The following ARHGAP24 variants were observed in gnomAD, a reference collection of about 807,000 sequenced individuals.
ARHGAP24 encodes rho GTPase-activating protein 24.
A neutral mutation model predicts 76.4 loss-of-function variants in ARHGAP24; 50 were observed. The observed-to-expected ratio is 0.65, with a 90% CI of 0.52 to 0.83. ARHGAP24 has a LOEUF of 0.83. Ranked by LOEUF, ARHGAP24 falls within the 40% of genes least tolerant of loss-of-function variation. The pLI is 0.00. For missense variants in ARHGAP24, 930 were observed against 914.2 expected (o/e 1.02, Z -0.22); for synonymous variants, 345 against 323.3 (o/e 1.07, Z -0.72).
At chr4:85,553,075 C>T (rs556594949) in intron 1 of ARHGAP24, among the ~76,000 whole-genome samples, 1 of 152,040 alleles carries the variant, frequency 6.6e-6, no homozygotes, top group African/African-American at 2.4e-5. Context: ...AGCTGCAGAC[C>T]TTCGCAGTGA....
intron 3 of ARHGAP24, among the ~76,000 whole-genome samples, chr4:85,818,056 G>A (rs551403256): frequency 6.6e-6 from 1 of 152,300 alleles, no homozygotes; most frequent in Non-Finnish European, 1.5e-5. Flanking sequence ...TATGCAGATG[G>A]TTTAAATGAC....
chr4:85,929,837 A>G (rs1736223383), intron 4 of ARHGAP24, among the ~76,000 whole-genome samples: 1 of 152,200 alleles, frequency 6.6e-6, no homozygotes, highest in South Asian at 2.1e-4. Flanking sequence ...TAAAACTTGT[A>G]TGGGAGGGGA....
chr4:85,708,565 C>G (rs2110032492), intron 2 of ARHGAP24, among the ~76,000 whole-genome samples: 1 of 152,296 alleles, frequency 6.6e-6, no homozygotes, highest in South Asian at 2.1e-4. Flanking sequence ...CTCTTATCCA[C>G]TTTACTGTCT....
intron 5 of ARHGAP24, 176 bp downstream of exon 5, chr4:85,942,449 C>T: frequency 1.5e-6 from 1 of 672,866 alleles, no homozygotes; most frequent in Non-Finnish European, 2.5e-6. Context: ...AAATTGGGCA[C>T]CTTAGATATC....
In ARHGAP24 at chr4:85,798,910, A is replaced by G. The variant is rs536549950; in HGVS notation, c.268+76938A>G. On this transcript the variant is annotated intron_variant, in intron 3 of 9. Coordinates refer to ENST00000395184, the MANE Select transcript of ARHGAP24 (RefSeq NM_001025616.3). Reference sequence around the variant, plus strand: ...AATGGGTGCTTACACTATTCTAAAAATGAAAGATATTTTAATAATATTAGG... The same window carrying G: ...AATGGGTGCTTACACTATTCTAAAAGTGAAAGATATTTTAATAATATTAGG... 9.8e-5 allele frequency among the ~76,000 whole-genome samples: 15 copies of G among 152,332 alleles called. No individual in the cohort carries two copies. The East Asian group carries it at 2.7e-3, about 27-fold the overall frequency.
At chr4:85,899,162 G>T (rs1020642246) in intron 3 of ARHGAP24, among the ~76,000 whole-genome samples, 11 of 152,026 alleles carry the variant, frequency 7.2e-5, no homozygotes, top group African/African-American at 2.4e-4. Context: ...ATGTCTTCAA[G>T]GTAAAAACTA....
chr4:85,609,186 T>C (rs1488602899), intron 2 of ARHGAP24, among the ~76,000 whole-genome samples: 1 of 152,204 alleles, frequency 6.6e-6, no homozygotes, highest in African/African-American at 2.4e-5. Context: ...CCCTATAAAA[T>C]TATCTATTTT....
chr4:85,520,477 C>T (rs535669837), intron 1 of ARHGAP24, among the ~76,000 whole-genome samples: 31 of 152,154 alleles, frequency 2.0e-4, no homozygotes, highest in African/African-American at 7.5e-4. Flanking sequence ...GTTGTGTGGC[C>T]CTCAGTAATG....
chr4:85,598,633 A>G (rs1215058635), intron 2 of ARHGAP24, among the ~76,000 whole-genome samples: 2 of 152,028 alleles, frequency 1.3e-5, no homozygotes, highest in African/African-American at 2.4e-5. Flanking sequence ...TGGATCTCAT[A>G]TAGTGTTAAT....
intron 1 of ARHGAP24, among the ~76,000 whole-genome samples, chr4:85,554,695 T>C (rs1726279264): frequency 6.6e-6 from 1 of 152,138 alleles, no homozygotes; most frequent in Non-Finnish European, 1.5e-5. Flanking sequence ...GGAGTCTCAC[T>C]CTGTCACCCA....
chr4:85,839,581 G>C (rs1452787923), intron 3 of ARHGAP24, among the ~76,000 whole-genome samples: 2 of 148,448 alleles, frequency 1.3e-5, no homozygotes, highest in African/African-American at 2.5e-5. Flanking sequence ...CTCCCGAGTA[G>C]CTGGGACTAC....
intron 2 of ARHGAP24, among the ~76,000 whole-genome samples, chr4:85,720,536 G>A (rs1724892049): frequency 6.6e-6 from 1 of 152,152 alleles, no homozygotes; most frequent in Non-Finnish European, 1.5e-5. Context: ...TTTGAGATAA[G>A]TGGAAATGTC....
intron 3 of ARHGAP24, among the ~76,000 whole-genome samples, chr4:85,780,267 G>A (rs977623340): frequency 4.6e-5 from 7 of 151,980 alleles, no homozygotes; most frequent in Non-Finnish European, 7.4e-5. Flanking sequence ...TCCACCTCCT[G>A]GATTCAAGTG....
At chr4:85,764,839 A>G (rs147353557) in intron 3 of ARHGAP24, among the ~76,000 whole-genome samples, 73 of 151,606 alleles carry the variant, frequency 4.8e-4, no homozygotes, top group African/African-American at 1.8e-3. Context: ...TCATTATACA[A>G]CTACTTATTA....
At chr4:85,704,062 G>A (rs761408306) in intron 2 of ARHGAP24, among the ~76,000 whole-genome samples, 1 of 152,068 alleles carries the variant, frequency 6.6e-6, no homozygotes, top group African/African-American at 2.4e-5. Context: ...TTCATTGAAC[G>A]TAATGCACCT....
intron 3 of ARHGAP24, among the ~76,000 whole-genome samples, chr4:85,914,073 AG>A (rs1419211381): frequency 6.6e-6 from 1 of 152,224 alleles, no homozygotes; most frequent in Non-Finnish European, 1.5e-5. Flanking sequence ...TGCCAGACTC[AG>A]TCATCTCAAC....
chr4:85,499,196 A>G (rs7681693), intron 1 of ARHGAP24, among the ~76,000 whole-genome samples: 15,942 of 152,232 alleles, frequency 0.1, 1,010 homozygotes, highest in Non-Finnish European at 0.14. Context: ...AGAATATATA[A>G]ATATGTATTT....
chr4:85,929,166 C>A (rs529520329), intron 4 of ARHGAP24, among the ~76,000 whole-genome samples: 1 of 152,336 alleles, frequency 6.6e-6, no homozygotes, highest in Non-Finnish European at 1.5e-5. Flanking sequence ...TGAAGGGCAG[C>A]ACTGTCTCTG....
At chr4:85,654,197 G>A (rs1458715261) in intron 2 of ARHGAP24, among the ~76,000 whole-genome samples, 1 of 152,144 alleles carries the variant, frequency 6.6e-6, no homozygotes, top group Non-Finnish European at 1.5e-5. Flanking sequence ...GTTCCCCTGA[G>A]GCCTCTTTCC....
Sources: gnomAD v4.1 joint callset for allele counts (sites outside exome capture counted in the v4.1 genomes callset) on GRCh38, gnomAD v4.1.1 for gene constraint, MANE v1.5 for transcripts, NCBI Gene and HGNC (gene_info 2026-07-23, HGNC 2026-07-21) for gene names.